Variants in CDH23 observed in about 807,000 individuals in gnomAD.
The protein encoded by CDH23 is cadherin related 23.
In CDH23, 189 loss-of-function variants were observed where a neutral mutation model predicts 317.1. The ratio of observed to expected loss-of-function variants is 0.60; its 90% CI spans 0.53 to 0.67. The LOEUF (loss-of-function observed/expected upper bound fraction) is 0.67, where lower values mean the gene tolerates loss of function less well. Ranked by LOEUF, CDH23 falls within the 30% of genes least tolerant of loss-of-function variation. CDH23 has a pLI of 0.00. For synonymous variants in CDH23, 1,839 were observed against 1,876.8 expected (o/e 0.98, Z 0.52); for missense variants, 4,401 against 4,592.4 (o/e 0.96, Z 1.20).
chr10:71,811,348 G>C lies in CDH23; in HGVS notation c.9111G>C (p.Gln3037His). The change falls in exon 63 of 70, where the codon CAG (glutamine) becomes CAC (histidine). Residue 3037 changes from glutamine to histidine, a missense_variant. Physicochemically the swap from Gln to His is conservative, Grantham distance 24. This residue lies in a region of CDH23 where 1,144 missense variants were observed against 1,138.2 expected (regional missense o/e 1.01). Transcript: ENST00000224721. ...AGATGATCGATGAGAACAAGGAGCA[G>C]CTACGGAATCTTTTCCGGAACTACA... ...VIQMIDENKE[Q>H]LRNLFRNYNV... 1 of 1,613,916 alleles carries C rather than the reference G, an allele frequency of 6.2e-7. No homozygotes were observed. The highest frequency in any genetic ancestry group is 8.5e-7 in the Non-Finnish European group (1 of 1,179,874).
At chr10:71,558,151 C>T (rs1856961217) in intron 6 of CDH23, among the ~76,000 whole-genome samples, 1 of 152,108 alleles carries the variant, frequency 6.6e-6, no homozygotes, top group African/African-American at 2.4e-5. Context: ...GCACCCACTA[C>T]CATGCCCAAC....
intron 55 of CDH23, among the ~76,000 whole-genome samples, chr10:71,804,733 TACAC>T (rs2132981419): frequency 6.6e-6 from 1 of 152,344 alleles, no homozygotes; most frequent in Admixed American, 6.5e-5. Flanking sequence ...GGACAGGGCT[TACAC>T]CTTGCTTCCC....
At position 71,809,961 on chromosome 10, in the gene CDH23, A is replaced by G; in HGVS notation, c.8864A>G (p.Gln2955Arg). ...GGCATCTACATCCTGAGGGACGACCAGCGCGTCAAGATCGTCATTAACGAG... is the reference window on the plus strand; with the variant it reads ...GGCATCTACATCCTGAGGGACGACCGGCGCGTCAAGATCGTCATTAACGAG... ...IIGIYILRDD[Q>R]RVKIVINEIP... is the part of the protein sequence containing the mutation. Residue 2955 changes from glutamine to arginine, a missense_variant, in exon 61 of 70, where the codon CAG becomes CGG. Gln to Arg is a conservative substitution (Grantham distance 43). Coordinates refer to ENST00000224721, the MANE Select transcript of CDH23 (RefSeq NM_022124.6). 1 of 1,612,340 alleles carries G rather than the reference A, an allele frequency of 6.2e-7. No individual in the cohort carries two copies. The highest frequency in any genetic ancestry group is 2.2e-5 in the East Asian group (1 of 44,880).
At chr10:71,722,098 A>G (rs1589373116) in intron 28 of CDH23, among the ~76,000 whole-genome samples, 1 of 152,220 alleles carries the variant, frequency 6.6e-6, no homozygotes, top group Non-Finnish European at 1.5e-5. Context: ...AACGATAGGA[A>G]AGCCTACATT....
chr10:71,506,837 G>A (rs1853665714), intron 3 of CDH23, among the ~76,000 whole-genome samples: 1 of 152,226 alleles, frequency 6.6e-6, no homozygotes, highest in Non-Finnish European at 1.5e-5. Flanking sequence ...AAGAAGGCAT[G>A]AGCAGGCAAG....
intron 11 of CDH23, among the ~76,000 whole-genome samples, chr10:71,636,303 T>C (rs1467109306): frequency 6.6e-6 from 1 of 152,118 alleles, no homozygotes; most frequent in Non-Finnish European, 1.5e-5. Flanking sequence ...GAGGATGGCT[T>C]GAGCCCAGGA....
At chr10:71,747,712 A>G (rs893518913) in intron 38 of CDH23, 12 of 152,286 alleles carry the variant, frequency 7.9e-5, no homozygotes, top group Non-Finnish European at 1.6e-4. Flanking sequence ...AGTGTGTTGG[A>G]AAGCACCAAG....
intron 11 of CDH23, among the ~76,000 whole-genome samples, chr10:71,626,967 C>A (rs1169540468): frequency 2.6e-5 from 4 of 152,152 alleles, no homozygotes; most frequent in African/African-American, 9.7e-5. Flanking sequence ...GTCTTCATTG[C>A]CTCGCCCCAT....
At chr10:71,715,526 C>T (rs540342115) in intron 28 of CDH23, 3 of 164,098 alleles carry the variant, frequency 1.8e-5, no homozygotes, top group African/African-American at 7.1e-5. Flanking sequence ...TTTCACTTGA[C>T]TAAAGGGAAC....
intron 14 of CDH23, among the ~76,000 whole-genome samples, chr10:71,649,986 G>A (rs992149734): frequency 1.3e-5 from 2 of 152,202 alleles, no homozygotes. Context: ...TCTTAACCAC[G>A]AGGCCACCCA....
At chr10:71,430,548 C>T (rs1849323363) in intron 1 of CDH23, among the ~76,000 whole-genome samples, 1 of 152,198 alleles carries the variant, frequency 6.6e-6, no homozygotes, top group African/African-American at 2.4e-5. Context: ...GTGGCTCACG[C>T]CTGTAATCCC....
At chr10:71,440,020 GT>G in intron 2 of CDH23, 122 bp downstream of exon 2, 1 of 768,052 alleles carries the variant, frequency 1.3e-6, no homozygotes, top group Non-Finnish European at 2.2e-6. Context: ...CTGTCTTACT[GT>G]GTGACTGAGG....
At chr10:71,808,417 C>G (rs1280878198) in intron 60 of CDH23, among the ~76,000 whole-genome samples, 1 of 152,188 alleles carries the variant, frequency 6.6e-6, no homozygotes, top group Non-Finnish European at 1.5e-5. Flanking sequence ...TGTCCACCTA[C>G]CCATCTTCCC....
intron 22 of CDH23, among the ~76,000 whole-genome samples, chr10:71,697,777 C>A (rs1404780455): frequency 6.6e-6 from 1 of 152,188 alleles, no homozygotes; most frequent in Non-Finnish European, 1.5e-5. Flanking sequence ...AAAGCCAGAG[C>A]CCTTGCCAGA....
chr10:71,523,402 C>T (rs1045961294), intron 6 of CDH23, among the ~76,000 whole-genome samples: 2 of 152,264 alleles, frequency 1.3e-5, no homozygotes, highest in African/African-American at 2.4e-5. Context: ...CCCTCAAACT[C>T]GGGGACTACC....
intron 14 of CDH23, among the ~76,000 whole-genome samples, chr10:71,666,521 C>T (rs35854552): frequency 0.18 from 26,722 of 152,056 alleles, 2,403 homozygotes; most frequent in South Asian, 0.2. Flanking sequence ...CCACCATGCT[C>T]CCATCCATCC....
At chr10:71,644,868 G>T (rs1459807615) in intron 12 of CDH23, among the ~76,000 whole-genome samples, 1 of 152,210 alleles carries the variant, frequency 6.6e-6, no homozygotes, top group African/African-American at 2.4e-5. Context: ...CACATCACAG[G>T]CCGCCTGCCC....
chr10:71,404,756 C>G (rs1052292792), intron 1 of CDH23, among the ~76,000 whole-genome samples: 3 of 152,240 alleles, frequency 2.0e-5, no homozygotes, highest in African/African-American at 7.2e-5. Flanking sequence ...GCCAATCAGC[C>G]GAAGAGGGTG....
At chr10:71,538,095 A>G (rs1855798772) in intron 6 of CDH23, among the ~76,000 whole-genome samples, 1 of 152,216 alleles carries the variant, frequency 6.6e-6, no homozygotes, top group Admixed American at 6.5e-5. Context: ...ATGTACAGCA[A>G]GGCCAGGAAA....
Sources: allele counts gnomAD v4.1 joint callset (sites outside exome capture counted in the v4.1 genomes callset), GRCh38; gene constraint gnomAD v4.1.1; regional missense constraint gnomAD v4.1.1; transcripts MANE v1.5; gene names NCBI Gene and HGNC (gene_info 2026-07-23, HGNC 2026-07-21).